Variants in ARAP2 observed in about 807,000 individuals in gnomAD.
ARAP2 encodes ArfGAP with RhoGAP domain, ankyrin repeat and PH domain 2.
In ARAP2, 148 loss-of-function variants were observed where a neutral mutation model predicts 194.5. That is an observed-to-expected ratio of 0.76 (90% CI 0.67 to 0.87). The LOEUF (loss-of-function observed/expected upper bound fraction) is 0.87, where lower values mean the gene tolerates loss of function less well. ARAP2 is among the 40% of genes least tolerant of loss of function. ARAP2 has a pLI of 0.00. For missense variants in ARAP2, 2,128 were observed against 1,989.7 expected, an observed-to-expected ratio of 1.07 and a Z score of -1.32; for synonymous variants, 695 against 683.5, an observed-to-expected ratio of 1.02 and a Z score of -0.26.
At chr4:36,167,187 A>T (rs1735480262) in intron 9 of ARAP2, 140 bp from the exon 10 acceptor site, 2 of 575,208 alleles carry the variant, frequency 3.5e-6, no homozygotes, top group Non-Finnish European at 6.1e-6. Context: ...CACTCTCAAT[A>T]CATAATAGCA....
rs553612785 is a variant in ARAP2, at chr4:36,071,759, T to C, written c.4743+1930A>G. ...TACATGTGCACATTGTGCAGGTTAG[T>C]TACATATGTATACATGTGCCATGCT... On this transcript the variant is annotated intron_variant, in intron 32 of 32. Coordinates refer to ENST00000303965, the MANE Select transcript of ARAP2 (RefSeq NM_015230.4). 2.6e-5 allele frequency among the ~76,000 whole-genome samples: 4 copies of C among 151,508 alleles called. No individual in the cohort carries two copies. The East Asian group carries it at 7.7e-4, about 29-fold the overall frequency.
In ARAP2 at chr4:36,229,314, C is replaced by T; in HGVS notation, c.173G>A (p.Arg58Lys). 1.2e-6 allele frequency: 2 copies of T among 1,614,032 alleles called. No homozygotes were observed. Among genetic ancestry groups the T allele is most frequent in the South Asian group, 1.1e-5 (1 of 91,078 alleles). ...TATCTGTAACTGTTTAAGTATCCTC[C>T]TACGGTGACCTGTAGGTGATATTCC... ...KIGISPTGHRRRILKQLQIIL... is the reference protein window; with the variant it reads ...KIGISPTGHRKRILKQLQIIL... Residue 58 changes from arginine (R) to lysine (K), a missense_variant, in exon 2 of 33, where the codon AGG (arginine) becomes AAG (lysine). Coordinates refer to ENST00000303965, the MANE Select transcript of ARAP2 (RefSeq NM_015230.4).
intron 5 of ARAP2, among the ~76,000 whole-genome samples, chr4:36,036,037 T>A (rs1241739174): frequency 6.6e-6 from 1 of 152,200 alleles, no homozygotes; most frequent in Non-Finnish European, 1.5e-5. Flanking sequence ...ACTATAGTTT[T>A]AAAATAGGTC....
intron 24 of ARAP2, among the ~76,000 whole-genome samples, chr4:36,117,781 T>A (rs1721722846): frequency 6.6e-6 from 1 of 151,606 alleles, no homozygotes; most frequent in African/African-American, 2.4e-5. Context: ...AGTACTAATT[T>A]AGGTCATTAT....
At chr4:36,024,630 C>T (rs192574710) in intron 5 of ARAP2, among the ~76,000 whole-genome samples, 29 of 152,218 alleles carry the variant, frequency 1.9e-4, no homozygotes, top group African/African-American at 5.3e-4. Flanking sequence ...TACCACTCAA[C>T]TCTAAAATAA....
At chr4:36,206,073 AC>A (rs1745472777) in intron 6 of ARAP2, among the ~76,000 whole-genome samples, 1 of 152,228 alleles carries the variant, frequency 6.6e-6, no homozygotes, top group Admixed American at 6.5e-5. Flanking sequence ...ACCTGCCTTC[AC>A]CGCAGCCCCA....
chr4:36,041,384 T>C (rs1720845743), intron 5 of ARAP2, among the ~76,000 whole-genome samples: 1 of 152,112 alleles, frequency 6.6e-6, no homozygotes, highest in African/African-American at 2.4e-5. Context: ...GAACAGACAC[T>C]TTTCAAAAGT....
chr4:36,083,077 C>A (rs1006412038), intron 29 of ARAP2, among the ~76,000 whole-genome samples: 2 of 152,038 alleles, frequency 1.3e-5, no homozygotes, highest in African/African-American at 4.8e-5. Flanking sequence ...CAGAGGAAGC[C>A]ATGTACTTCC....
intron 15 of ARAP2, among the ~76,000 whole-genome samples, chr4:36,154,081 A>G (rs549956365): frequency 7.0e-4 from 106 of 152,316 alleles, no homozygotes; most frequent in African/African-American, 2.5e-3. Flanking sequence ...TTATGCTTGC[A>G]AACAGTTACT....
chr4:36,081,079 T>C (rs1224374225), intron 30 of ARAP2, among the ~76,000 whole-genome samples: 1 of 152,154 alleles, frequency 6.6e-6, no homozygotes, highest in Non-Finnish European at 1.5e-5. Context: ...ATGTTGAAAA[T>C]GAAATTTCTA....
chr4:36,083,402 G>A lies in ARAP2; in HGVS notation c.4474C>T (p.Arg1492Cys), dbSNP rs1462336593. ...GGCTTCATTTTCTTTTTCACTCCAC[G>A]ATAAAACTTCATGGAACTGAGAGAA... ...MFSLSSMKFYRGVKKKMKPPT... is the reference protein window; with the variant it reads ...MFSLSSMKFYCGVKKKMKPPT... The change falls in exon 29 of 33, where the codon CGT becomes TGT. Residue 1492 changes from arginine to cysteine, a missense_variant. Physicochemically the swap from Arg to Cys is radical, Grantham distance 180. Transcript: ENST00000303965. 3 of 1,608,174 alleles carry A rather than the reference G, an allele frequency of 1.9e-6. No homozygotes were observed. The highest frequency in any genetic ancestry group is 1.1e-5 in the South Asian group (1 of 89,758).
At chr4:36,129,022 T>C (rs1315655818) in intron 20 of ARAP2, among the ~76,000 whole-genome samples, 1 of 151,946 alleles carries the variant, frequency 6.6e-6, no homozygotes, top group Non-Finnish European at 1.5e-5. Flanking sequence ...CAAATGTTCT[T>C]TTTCTTAAAG....
intron 20 of ARAP2, 69 bp downstream of exon 20, chr4:36,133,156 TA>T: frequency 1.3e-6 from 2 of 1,493,574 alleles, no homozygotes; most frequent in Middle Eastern, 3.5e-4. Context: ...CCAATAGAGG[TA>T]CCACTTAAAA....
Position 36,229,574 on chromosome 4 carries a change from C to T in ARAP2, c.-88G>A. On this transcript the variant is annotated 5_prime_UTR_variant, in exon 2 of 33. Coordinates refer to ENST00000303965, the MANE Select transcript of ARAP2 (RefSeq NM_015230.4). Reference sequence around the variant, plus strand: ...AGATGTACTTCTCTACTGGCTTTTCCTCTATCAATTGTGACAGAAAAGTTT... The same window carrying T: ...AGATGTACTTCTCTACTGGCTTTTCTTCTATCAATTGTGACAGAAAAGTTT... 9.6e-7 allele frequency: 1 copy of T among 1,042,372 alleles called. No individual in the cohort carries two copies. The highest frequency in any genetic ancestry group is 1.4e-6 in the Non-Finnish European group (1 of 728,484). 64.6% of individuals were successfully genotyped at this position (1,042,372 alleles called of 1,614,324 possible).
intron 28 of ARAP2, among the ~76,000 whole-genome samples, chr4:36,090,875 T>G (rs1713433623): frequency 6.6e-6 from 1 of 151,956 alleles, no homozygotes; most frequent in African/African-American, 2.4e-5. Flanking sequence ...ATCTAACAAA[T>G]TTTCACTTGC....
chr4:36,211,138 T>A (rs1746665926), intron 5 of ARAP2, among the ~76,000 whole-genome samples: 1 of 152,072 alleles, frequency 6.6e-6, no homozygotes, highest in Non-Finnish European at 1.5e-5. Context: ...TATATGGAGA[T>A]CTTATTTCCA....
chr4:36,055,494 A>T (rs2175323), intron 2 of ARAP2, among the ~76,000 whole-genome samples: 1 of 152,220 alleles, frequency 6.6e-6, no homozygotes, highest in Non-Finnish European at 1.5e-5. Context: ...GATTCAACTC[A>T]GCAGTCTCAT....
intron 28 of ARAP2, among the ~76,000 whole-genome samples, chr4:36,088,824 T>C (rs187718769): frequency 6.6e-6 from 1 of 152,286 alleles, no homozygotes; most frequent in East Asian, 1.9e-4. Flanking sequence ...TCTTTCTTTG[T>C]AACATATTAA....
In ARAP2 at chr4:36,177,956, T is replaced by G. The variant is rs538909172; in HGVS notation, c.1728A>C (p.Gln576His). 1 of 1,613,076 alleles carries G rather than the reference T, an allele frequency of 6.2e-7. No homozygotes were observed. The highest frequency in any genetic ancestry group is 1.1e-5 in the South Asian group (1 of 90,890). Residue 576 changes from glutamine (Q) to histidine (H), a missense_variant, in exon 9 of 33, where the codon CAA becomes CAC. Coordinates refer to ENST00000303965, the MANE Select transcript of ARAP2 (RefSeq NM_015230.4). Reference protein sequence around the residue: ...ISILLNALKSQSLTSQSQAVV... With the variant: ...ISILLNALKSHSLTSQSQAVV... ...CAGCTTGAGACTGCGAGGTAAGGGA[T>G]TGTGATTTCAGTGCATTTAATAGTA...
Sources: allele counts gnomAD v4.1 joint callset (sites outside exome capture counted in the v4.1 genomes callset), GRCh38; gene constraint gnomAD v4.1.1; transcripts MANE v1.5; gene names NCBI Gene and HGNC (gene_info 2026-07-23, HGNC 2026-07-21).